Variants in ACAA2 observed in about 807,000 individuals in gnomAD.
ACAA2 encodes acetyl-CoA acyltransferase 2.
A neutral mutation model predicts 44.8 loss-of-function variants in ACAA2; 35 were observed. That is an observed-to-expected ratio of 0.78 (90% CI 0.60 to 1.04). ACAA2 has a LOEUF of 1.04. Among genes scored for constraint, ACAA2 ranks in the 50% least tolerant of loss-of-function variants. The probability of loss-of-function intolerance (pLI) is 0.00; values close to 1 mark genes in which losing one functional copy is unlikely to be tolerated. For missense variants in ACAA2, 468 were observed against 482.6 expected, an observed-to-expected ratio of 0.97 and a Z score of 0.28; for synonymous variants, 142 against 166.5, an observed-to-expected ratio of 0.85 and a Z score of 1.13.
In ACAA2 at chr18:49,792,247, C is replaced by G. The variant is rs778578981; in HGVS notation, c.658G>C (p.Asp220His). 1 of 1,613,906 alleles carries G rather than the reference C, an allele frequency of 6.2e-7. No homozygotes were observed. The change falls in exon 6 of 10, where the codon GAC becomes CAC. Residue 220 changes from aspartate to histidine, a missense_variant. Asp to His is a moderately conservative substitution (Grantham distance 81). Coordinates refer to ENST00000285093, the MANE Select transcript of ACAA2 (RefSeq NM_006111.3). ...GTGGTTTGGGGCCGAGCATGCTCGT[C>G]TACCTGCATTGTCTGTTTTCCTTTC... ...TKKGKQTMQVDEHARPQTTLE... is the reference protein window; with the variant it reads ...TKKGKQTMQVHEHARPQTTLE...
rs759226335 is a variant in ACAA2, at chr18:49,795,851, A to G, written c.343T>C (p.Leu115=). Residue 115 remains leucine, a synonymous_variant, in exon 4 of 10, where the codon TTA becomes CTA. Coordinates refer to ENST00000285093, the MANE Select transcript of ACAA2 (RefSeq NM_006111.3). ...EICVKEAEVV[L]CGGTESMSQA... Reference sequence around the variant, plus strand: ...CTCATGCTTTCGGTTCCTCCACATAAAACAACTTCAGCTTCTTTAACACAA... The same window carrying G: ...CTCATGCTTTCGGTTCCTCCACATAGAACAACTTCAGCTTCTTTAACACAA... 6.2e-7 allele frequency: 1 copy of G among 1,612,160 alleles called. No homozygotes were observed. The highest frequency in any genetic ancestry group is 1.7e-5 in the Admixed American group (1 of 59,720).
chr18:49,790,989 C>T (rs1309949617), intron 7 of ACAA2, among the ~76,000 whole-genome samples: 4 of 152,162 alleles, frequency 2.6e-5, no homozygotes, highest in African/African-American at 9.7e-5. Flanking sequence ...CCCTAAGCCT[C>T]AATTTTCTCA....
At chr18:49,784,698 A>G (rs965419138) in intron 9 of ACAA2, among the ~76,000 whole-genome samples, 3 of 152,172 alleles carry the variant, frequency 2.0e-5, no homozygotes, top group East Asian at 1.9e-4. Context: ...GGTACTATCT[A>G]TCAAAACTGA....
In ACAA2 at chr18:49,783,704, G is replaced by A. The variant is rs2023292160; in HGVS notation, c.*143C>T. The A allele has an allele frequency of 3.2e-6, 2 of 619,236 alleles. No individual in the cohort carries two copies. Among genetic ancestry groups the A allele is most frequent in the Non-Finnish European group, 5.8e-6 (2 of 343,026 alleles). The allele number at this position is 619,236 out of a possible 1,614,324, so 38.4% of individuals were successfully genotyped here. On this transcript the variant is annotated 3_prime_UTR_variant, in exon 10 of 10. Transcript: ENST00000285093. ...TCCTATTCATGATCAATGCATTTTTGTGTCACCATGGCTTGATCAAACTTA... is the reference window on the plus strand; with the variant it reads ...TCCTATTCATGATCAATGCATTTTTATGTCACCATGGCTTGATCAAACTTA...
Position 49,797,488 on chromosome 18 carries a change from T to C in ACAA2, c.290A>G (p.Gln97Arg). The change falls in exon 3 of 10, where the codon CAG (glutamine) becomes CGG (arginine). Residue 97 changes from glutamine (Q) to arginine (R), a missense_variant. By Grantham distance (43) the Gln-to-Arg change is conservative. Coordinates refer to ENST00000285093, the MANE Select transcript of ACAA2 (RefSeq NM_006111.3). ...TACCTGACATCCATTCACAATGGAC[T>C]GAAAACCAGAACCACAGAGCCTATT... ...TINRLCGSGF[Q>R]SIVNGCQEIC... 4 of 1,610,762 alleles carry C rather than the reference T, an allele frequency of 2.5e-6. No homozygotes were observed. In the South Asian group the frequency reaches 4.4e-5, roughly 18 times the overall value.
intron 1 of ACAA2, among the ~76,000 whole-genome samples, chr18:49,810,109 C>T (rs1432713527): frequency 6.6e-6 from 1 of 152,028 alleles, no homozygotes; most frequent in African/African-American, 2.4e-5. Context: ...TAACAAGTTA[C>T]AGTCATAGGA....
chr18:49,802,626 T>C, intron 2 of ACAA2, 61 bp downstream of exon 2: 1 of 1,478,428 alleles, frequency 6.8e-7, no homozygotes, highest in Non-Finnish European at 9.1e-7. Flanking sequence ...GTTAAAGGAA[T>C]TATTTTTAGA....
intron 1 of ACAA2, among the ~76,000 whole-genome samples, chr18:49,808,041 G>C (rs1472318581): frequency 6.8e-6 from 1 of 146,582 alleles, no homozygotes; most frequent in Non-Finnish European, 1.5e-5. Context: ...GATCTGAACA[G>C]ATACCTTACT....
chr18:49,808,559 C>A (rs765144175), intron 1 of ACAA2, among the ~76,000 whole-genome samples: 2 of 152,094 alleles, frequency 1.3e-5, no homozygotes, highest in African/African-American at 2.4e-5. Context: ...ACAGCTGGGC[C>A]GCCGGGGGTG....
rs2023398705 is a variant in ACAA2, at chr18:49,791,503, C to T, written c.850G>A (p.Val284Ile). 1.2e-6 allele frequency: 2 copies of T among 1,612,102 alleles called. No homozygotes were observed. The highest frequency in any genetic ancestry group is 1.7e-6 in the Non-Finnish European group (2 of 1,179,812). ...TPLARIVGYF[V>I]SGCDPSIMGI... ...ATGATAGAGGGATCACATCCAGATACAAAGTAGCCCACAATTCTTGCCAGT... is the reference window on the plus strand; with the variant it reads ...ATGATAGAGGGATCACATCCAGATATAAAGTAGCCCACAATTCTTGCCAGT... Residue 284 changes from valine (V) to isoleucine (I), a missense_variant, in exon 7 of 10, where the codon GTA becomes ATA. Transcript: ENST00000285093.
At chr18:49,787,482 C>T (rs1270630606) in intron 7 of ACAA2, 121 bp from the exon 8 acceptor site, 11 of 676,888 alleles carry the variant, frequency 1.6e-5, no homozygotes, top group African/African-American at 1.5e-4. Flanking sequence ...TTAGTAGCCA[C>T]AAATCTTACT....
At position 49,783,854 on chromosome 18, in the gene ACAA2, G is replaced by A. The variant is rs147585440; in HGVS notation, c.1187C>T (p.Thr396Ile). The stretch of plus-strand genomic sequence containing the variant: ...GTGAGCTCACTGGTCTCTTCAGGCT[G>A]TGCTCTGAATGATGACAGCAATACC... ...GQGIAVIIQSTA is the reference protein window; with the variant it reads ...GQGIAVIIQSIA Residue 396 changes from threonine to isoleucine, a missense_variant, in exon 10 of 10, where the codon ACA (threonine) becomes ATA (isoleucine). Coordinates refer to ENST00000285093, the MANE Select transcript of ACAA2 (RefSeq NM_006111.3). 3,979 of 1,612,564 alleles carry A rather than the reference G, an allele frequency of 2.5e-3. 5 individuals carry two copies. Among genetic ancestry groups the A allele is most frequent in the Non-Finnish European group, 3.2e-3 (3,751 of 1,179,042 alleles).
intron 9 of ACAA2, among the ~76,000 whole-genome samples, chr18:49,784,535 A>G (rs1362761913): frequency 2.0e-5 from 3 of 152,258 alleles, no homozygotes; most frequent in South Asian, 2.1e-4. Context: ...GCAATCACCT[A>G]TTTCAACTCA....
chr18:49,787,229 G>A, intron 8 of ACAA2, 62 bp downstream of exon 8: 1 of 1,207,868 alleles, frequency 8.3e-7, no homozygotes, highest in Non-Finnish European at 1.1e-6. Context: ...AGTCATTTAT[G>A]CTATAAAAGT....
intron 8 of ACAA2, chr18:49,786,205 T>C (rs998973628): frequency 1.3e-5 from 2 of 152,154 alleles, no homozygotes; most frequent in Admixed American, 6.5e-5. Context: ...CACCATTATC[T>C]TTCTACTCTA....
chr18:49,785,394 A>G, intron 8 of ACAA2, 43 bp from the exon 9 acceptor site: 2 of 1,597,306 alleles, frequency 1.3e-6, no homozygotes, highest in Non-Finnish European at 8.5e-7. Context: ...CCTTACTCAC[A>G]AACTAATTTT....
Position 49,813,462 on chromosome 18 carries a change from C to T in ACAA2, c.16+7G>A. On this transcript the variant is annotated splice_region_variant and intron_variant, in intron 1 of 9. Coordinates refer to ENST00000285093, the MANE Select transcript of ACAA2 (RefSeq NM_006111.3). ...GGGCGAGGAGAGGAGGAGGGGGCTG[C>T]GCTCACCTCGGAGCAGAGCCATGGC... 8.1e-7 allele frequency: 1 copy of T among 1,242,076 alleles called. No individual in the cohort carries two copies. The allele number at this position is 1,242,076 out of a possible 1,614,324, so 76.9% of individuals were successfully genotyped here.
At chr18:49,810,750 T>C (rs2023659304) in intron 1 of ACAA2, among the ~76,000 whole-genome samples, 1 of 151,730 alleles carries the variant, frequency 6.6e-6, no homozygotes, top group Admixed American at 6.6e-5. Flanking sequence ...TGCGGTAGTG[T>C]GATCTTGGCT....
intron 5 of ACAA2, among the ~76,000 whole-genome samples, chr18:49,793,512 C>CTATGAACATA (rs1383988383): frequency 1.3e-5 from 2 of 152,208 alleles, no homozygotes; most frequent in Admixed American, 1.3e-4. Flanking sequence ...TCCTCTTCCA[C>CTATGAACATA]TATGAACATA....
Sources: allele counts gnomAD v4.1 joint callset (sites outside exome capture counted in the v4.1 genomes callset), GRCh38; gene constraint gnomAD v4.1.1; transcripts MANE v1.5; gene names NCBI Gene and HGNC (gene_info 2026-07-23, HGNC 2026-07-21).